BBS12: variants seen among roughly 807,000 people sequenced by gnomAD.
The protein encoded by BBS12 is Bardet-Biedl syndrome 12.
Under a neutral mutation model 5.6 loss-of-function variants are expected in BBS12, and 5 were observed. The observed-to-expected ratio is 0.89, with a 90% CI of 0.46 to 1.86. The LOEUF (loss-of-function observed/expected upper bound fraction) is 1.86, where lower values mean the gene tolerates loss of function less well. BBS12 is among the 40% of genes most tolerant of loss of function. BBS12 has a pLI of 0.01. For synonymous variants in BBS12, 308 were observed against 306.8 expected, an observed-to-expected ratio of 1.00 and a Z score of -0.04; for missense variants, 748 against 830.4, an observed-to-expected ratio of 0.90 and a Z score of 1.22.
chr4:122,716,588 CAT>C, the BBS12 span, among the ~76,000 whole-genome samples: 1 of 145,612 alleles, frequency 6.9e-6, no homozygotes, highest in African/African-American at 2.5e-5. Context: ...TATATATACA[CAT>C]ATGTATGTAT....
At chr4:122,717,736 G>T in the BBS12 span, among the ~76,000 whole-genome samples, 1 of 152,098 alleles carries the variant, frequency 6.6e-6, no homozygotes, top group East Asian at 1.9e-4. Context: ...CACTGCTCAG[G>T]CTGGTCTTGA....
chr4:122,717,088 A>G, the BBS12 span, among the ~76,000 whole-genome samples: 1 of 152,204 alleles, frequency 6.6e-6, no homozygotes, highest in Admixed American at 6.5e-5. Context: ...TGGGTAAGCC[A>G]AAGTGAATGA....
intron 1 of BBS12, among the ~76,000 whole-genome samples, chr4:122,738,950 T>G (rs1325869703): frequency 6.6e-6 from 1 of 152,192 alleles, no homozygotes; most frequent in African/African-American, 2.4e-5. Context: ...AATAGTTTCT[T>G]TGTAGATGTA....
rs1424140560 is a variant in BBS12, at chr4:122,742,672, C to A, written c.780C>A (p.His260Gln). Residue 260 changes from histidine (H) to glutamine (Q), a missense_variant, in exon 2 of 2, where the codon CAC (histidine) becomes CAA (glutamine). By Grantham distance (24) the His-to-Gln change is conservative. Transcript: ENST00000314218. ...TTCAAGAACATGTTACAGCTACTCA[C>A]AAAACTTACAGATGTAATGATTTGG... ...DGFQEHVTAT[H>Q]KTYRCNDLVE... The A allele has an allele frequency of 7.4e-6, 12 of 1,614,086 alleles. No individual in the cohort carries two copies. The highest frequency in any genetic ancestry group is 1.0e-5 in the Non-Finnish European group (12 of 1,180,056).
At position 122,741,965 on chromosome 4, in the gene BBS12, A is replaced by G. The variant is rs2150735856; in HGVS notation, c.73A>G (p.Thr25Ala). 2 of 1,613,568 alleles carry G rather than the reference A, an allele frequency of 1.2e-6. No homozygotes were observed. The highest frequency in any genetic ancestry group is 1.7e-6 in the Non-Finnish European group (2 of 1,179,840). Residue 25 changes from threonine to alanine, a missense_variant, in exon 2 of 2, where the codon ACA becomes GCA. Transcript: ENST00000314218. ...TCAACAACTTTCATCATTCGCGGAA[A>G]CAGGAAGAACTTTCCTAGGCCCACT... ...GLQQLSSFAE[T>A]GRTFLGPLKS...
At chr4:122,718,479 C>A in the BBS12 span, among the ~76,000 whole-genome samples, 1 of 152,090 alleles carries the variant, frequency 6.6e-6, no homozygotes, top group African/African-American at 2.4e-5. Context: ...GGAAATCACC[C>A]AATTCCTGCA....
upstream of BBS12, chr4:122,730,528 A>T (rs1409422996): frequency 6.6e-6 from 1 of 152,236 alleles, no homozygotes; most frequent in Non-Finnish European, 1.5e-5. Flanking sequence ...ATTTTCCACA[A>T]GGACTAAAAC....
At chr4:122,703,594 A>C in the BBS12 span, among the ~76,000 whole-genome samples, 1 of 152,186 alleles carries the variant, frequency 6.6e-6, no homozygotes, top group African/African-American at 2.4e-5. Flanking sequence ...AATTTTTCAA[A>C]GCTGGTGAGA....
chr4:122,705,217 T>G, the BBS12 span, among the ~76,000 whole-genome samples: 4 of 152,202 alleles, frequency 2.6e-5, no homozygotes, highest in African/African-American at 9.6e-5. Context: ...GCTGCCCAGA[T>G]AGCTCAGCCT....
Position 122,742,557 on chromosome 4 carries a change from C to T in BBS12, c.665C>T (p.Ala222Val). 1 of 1,614,224 alleles carries T rather than the reference C, an allele frequency of 6.2e-7. No homozygotes were observed. The highest frequency in any genetic ancestry group is 8.5e-7 in the Non-Finnish European group (1 of 1,180,036). ...CGAACTCTGAAAAACAGCCTGCTTG[C>T]AGATACCTGCTGCAGACAGTCAATA... Reference protein sequence around the residue: ...TSRTLKNSLLADTCCRQSILI... With the variant: ...TSRTLKNSLLVDTCCRQSILI... The change falls in exon 2 of 2, where the codon GCA becomes GTA. Residue 222 changes from alanine (A) to valine (V), a missense_variant. Coordinates refer to ENST00000314218, the MANE Select transcript of BBS12 (RefSeq NM_152618.3).
rs13135445 is a variant in BBS12, at chr4:122,743,302, C to T, written c.1410C>T (p.Cys470=). The T allele has an allele frequency of 0.22, 360,139 of 1,613,942 alleles. 43,428 individuals are homozygous for T. The highest frequency in any genetic ancestry group is 0.25 in the Non-Finnish European group (298,256 of 1,179,872). ...VNEDCVGDGV[C]VTFWRSSPLD... is the part of the protein sequence containing the mutation. ...AAGATTGTGTGGGCGACGGGGTCTGCGTGACCTTCTGGAGAAGCAGCCCTT... is the reference window on the plus strand; with the variant it reads ...AAGATTGTGTGGGCGACGGGGTCTGTGTGACCTTCTGGAGAAGCAGCCCTT... Residue 470 remains cysteine, a synonymous_variant, in exon 2 of 2, where the codon TGC becomes TGT. Coordinates refer to ENST00000314218, the MANE Select transcript of BBS12 (RefSeq NM_152618.3).
chr4:122,722,568 C>T, the BBS12 span, among the ~76,000 whole-genome samples: 2 of 152,072 alleles, frequency 1.3e-5, no homozygotes, highest in Non-Finnish European at 2.9e-5. Flanking sequence ...TCTTTAGTTT[C>T]TCTCAATACT....
chr4:122,700,833 A>T, the BBS12 span, among the ~76,000 whole-genome samples: 2 of 152,194 alleles, frequency 1.3e-5, no homozygotes, highest in African/African-American at 4.8e-5. Context: ...GAAGCTTATA[A>T]GTTATGTAAT....
the BBS12 span, among the ~76,000 whole-genome samples, chr4:122,724,377 G>T: frequency 6.6e-6 from 1 of 152,132 alleles, no homozygotes; most frequent in Non-Finnish European, 1.5e-5. Flanking sequence ...TGATGAATTT[G>T]ATCTTGCTCT....
the BBS12 span, among the ~76,000 whole-genome samples, chr4:122,723,345 A>T: frequency 1.3e-5 from 2 of 152,226 alleles, no homozygotes; most frequent in Non-Finnish European, 2.9e-5. Context: ...ATAGACACCA[A>T]TGAAATTATT....
chr4:122,704,010 A>G, the BBS12 span, among the ~76,000 whole-genome samples: 1 of 152,082 alleles, frequency 6.6e-6, no homozygotes, highest in African/African-American at 2.4e-5. Context: ...CACCACACCC[A>G]GAAAATTCTT....
chr4:122,711,141 C>T, the BBS12 span, among the ~76,000 whole-genome samples: 2 of 152,290 alleles, frequency 1.3e-5, no homozygotes, highest in East Asian at 1.9e-4. Flanking sequence ...TCTCAATTCA[C>T]ATACAAGCAC....
chr4:122,735,406 C>CT (rs1361035210), intron 1 of BBS12, among the ~76,000 whole-genome samples: 1 of 152,030 alleles, frequency 6.6e-6, no homozygotes, highest in African/African-American at 2.4e-5. Context: ...TAAAGACTTT[C>CT]TTTTTTAAGA....
the BBS12 span, among the ~76,000 whole-genome samples, chr4:122,722,062 A>G: frequency 2.7e-4 from 41 of 152,028 alleles, no homozygotes; most frequent in Non-Finnish European, 4.7e-4. Flanking sequence ...TTATATTTTT[A>G]CCTTTCATAT....
Sources: allele counts gnomAD v4.1 joint callset (sites outside exome capture counted in the v4.1 genomes callset), GRCh38; gene constraint gnomAD v4.1.1; transcripts MANE v1.5; gene names NCBI Gene and HGNC (gene_info 2026-07-23, HGNC 2026-07-21).